Variants in FAM135B observed in about 807,000 individuals in gnomAD.
The protein encoded by FAM135B is protein FAM135B.
FAM135B carries 43 observed loss-of-function variants against 127.7 expected under a neutral mutation model. That is an observed-to-expected ratio of 0.34 (90% CI 0.26 to 0.43). The LOEUF (loss-of-function observed/expected upper bound fraction) is 0.43, where lower values mean the gene tolerates loss of function less well. Among genes scored for constraint, FAM135B ranks in the 20% least tolerant of loss-of-function variants. The pLI, the probability that FAM135B is intolerant of heterozygous loss-of-function variation, is 1.00. For synonymous variants in FAM135B, 670 were observed against 665.1 expected (o/e 1.01, Z -0.11); for missense variants, 1,558 against 1,725.6 (o/e 0.90, Z 1.72).
chr8:138,278,551 T>C (rs1824008386), intron 3 of FAM135B, among the ~76,000 whole-genome samples: 2 of 123,842 alleles, frequency 1.6e-5, no homozygotes, highest in Non-Finnish European at 3.2e-5. Flanking sequence ...TATAAGAACA[T>C]GATTTTTTTT....
intron 2 of FAM135B, among the ~76,000 whole-genome samples, chr8:138,342,374 G>A (rs1385605706): frequency 6.6e-6 from 1 of 152,198 alleles, no homozygotes; most frequent in East Asian, 1.9e-4. Flanking sequence ...CAGCAGTCAG[G>A]AAGTTTCATT....
At chr8:138,256,438 A>G (rs572883744) in intron 5 of FAM135B, among the ~76,000 whole-genome samples, 1 of 152,214 alleles carries the variant, frequency 6.6e-6, no homozygotes, top group African/African-American at 2.4e-5. Flanking sequence ...AGAAAGTGCC[A>G]GTTAGTAAAG....
At position 138,132,260 on chromosome 8, in the gene FAM135B, T is replaced by G; in HGVS notation, c.*333A>C. 3.7e-6 allele frequency: 1 copy of G among 270,750 alleles called. No homozygotes were observed. 16.8% of individuals were successfully genotyped at this position (270,750 alleles called of 1,614,324 possible). A position where few individuals can be genotyped will look rare whatever the true frequency, so the allele number is the denominator to read the frequency against. On this transcript the variant is annotated 3_prime_UTR_variant, in exon 20 of 20. Coordinates refer to ENST00000395297, the MANE Select transcript of FAM135B (RefSeq NM_015912.4). The surrounding 1 kb of genome is among the most constrained non-coding windows in gnomAD (Gnocchi z 4.5). The stretch of plus-strand genomic sequence containing the variant: ...TTCGGCAAGTCTAGTTAAATTGGAG[T>G]AATCTCTCAGTAAGCCAGTAGTGGC...
intron 1 of FAM135B, among the ~76,000 whole-genome samples, chr8:138,461,077 C>A (rs1332743472): frequency 1.3e-5 from 2 of 152,080 alleles, no homozygotes; most frequent in Non-Finnish European, 2.9e-5. Flanking sequence ...GGGAGTTAAT[C>A]CTTTGTTATA....
At position 138,134,376 on chromosome 8, in the gene FAM135B, A is replaced by G. The variant is rs1418920168; in HGVS notation, c.4016-1578T>C. On this transcript the variant is annotated intron_variant, in intron 19 of 19. Coordinates refer to ENST00000395297, the MANE Select transcript of FAM135B (RefSeq NM_015912.4). ...AAATTGTATATGCAATAAAGGTCAGAAGGTCATTTATTTAAAGAAAAAAGT... is the reference window on the plus strand; with the variant it reads ...AAATTGTATATGCAATAAAGGTCAGGAGGTCATTTATTTAAAGAAAAAAGT... 2.0e-5 allele frequency among the ~76,000 whole-genome samples: 3 copies of G among 152,208 alleles called. No homozygotes were observed. The East Asian group carries it at 5.8e-4, about 29-fold the overall frequency.
chr8:138,238,328 G>A (rs1007078577), intron 7 of FAM135B, among the ~76,000 whole-genome samples: 1 of 152,158 alleles, frequency 6.6e-6, no homozygotes, highest in African/African-American at 2.4e-5. Context: ...AACCCTGTGA[G>A]CCAGGCATTA....
intron 7 of FAM135B, among the ~76,000 whole-genome samples, chr8:138,210,987 TG>T (rs1281311750): frequency 6.6e-6 from 1 of 152,186 alleles, no homozygotes; most frequent in Non-Finnish European, 1.5e-5. Flanking sequence ...ACCATCAGTA[TG>T]GGGCATGGCT....
At chr8:138,318,285 T>C (rs4909416) in intron 2 of FAM135B, among the ~76,000 whole-genome samples, 134,022 of 152,226 alleles carry the variant, frequency 0.88, 60,000 homozygotes, top group Non-Finnish European at 0.97. Flanking sequence ...GAAAGGGACA[T>C]GAATCCCATC....
rs115562066 is a variant in FAM135B at position 138,132,534 on chromosome 8, C to G, written c.*59G>C. 8.8e-4 allele frequency: 1,261 copies of G among 1,427,728 alleles called. 5 individuals carry two copies. In the African/African-American group the frequency reaches 0.016, roughly 18 times the overall value. 88.4% of individuals were successfully genotyped at this position (1,427,728 alleles called of 1,614,324 possible). A position where few individuals can be genotyped will look rare whatever the true frequency, so the allele number is the denominator to read the frequency against. Reference sequence around the variant, plus strand: ...AATGGTGAGGTCTGTAAAAGCAGGTCTCAGCTAAAGCTCTCCACCGATCGT... The same window carrying G: ...AATGGTGAGGTCTGTAAAAGCAGGTGTCAGCTAAAGCTCTCCACCGATCGT... On this transcript the variant is annotated 3_prime_UTR_variant, in exon 20 of 20. Transcript: ENST00000395297. This position sits in a 1 kb window ranked among gnomAD's most constrained non-coding sequence, Gnocchi z 4.5.
intron 3 of FAM135B, among the ~76,000 whole-genome samples, chr8:138,301,876 G>A (rs558876306): frequency 6.6e-6 from 1 of 152,294 alleles, no homozygotes; most frequent in Non-Finnish European, 1.5e-5. Context: ...TACAAGAACA[G>A]TTCCGTGCTG....
chr8:138,335,375 ATACG>A (rs2131019044), intron 2 of FAM135B, among the ~76,000 whole-genome samples: 1 of 152,322 alleles, frequency 6.6e-6, no homozygotes, highest in East Asian at 1.9e-4. Context: ...GCAATATGGC[ATACG>A]TAATTTTAAA....
In FAM135B at chr8:138,206,106, T is replaced by G. The variant is rs78108565; in HGVS notation, c.670-8437A>C. On this transcript the variant is annotated intron_variant, in intron 7 of 19. Transcript: ENST00000395297. ...TCTCCACATACCCAGGGCTCCAGCA[T>G]CACCTCCACCTACACACAGGCCAGC... 1.1e-3 allele frequency among the ~76,000 whole-genome samples: 92 copies of G among 86,738 alleles called. No individual in the cohort carries two copies. In the East Asian group the frequency reaches 0.032, roughly 30 times the overall value. The allele number at this position is 86,738 out of a possible 152,430, so 56.9% of individuals were successfully genotyped here. A position where few individuals can be genotyped will look rare whatever the true frequency, so the allele number is the denominator to read the frequency against.
At chr8:138,441,750 G>A (rs1353509747) in intron 1 of FAM135B, 1 of 150,952 alleles carries the variant, frequency 6.6e-6, no homozygotes, top group Non-Finnish European at 1.5e-5. Context: ...AGATTAGCTT[G>A]AGACCTTGAT....
intron 1 of FAM135B, among the ~76,000 whole-genome samples, chr8:138,422,249 A>G (rs78332870): frequency 0.018 from 2,786 of 152,276 alleles, 78 homozygotes; most frequent in African/African-American, 0.062. Context: ...AGCAATTATA[A>G]CAAAAACTAA....
chr8:138,275,754 C>T (rs375187115), intron 3 of FAM135B, among the ~76,000 whole-genome samples: 29 of 152,174 alleles, frequency 1.9e-4, no homozygotes, highest in South Asian at 6.2e-4. Context: ...CCCCTCCTGG[C>T]GCTTAGAATG....
At chr8:138,255,792 A>T (rs1202885426) in intron 5 of FAM135B, among the ~76,000 whole-genome samples, 2 of 152,184 alleles carry the variant, frequency 1.3e-5, no homozygotes, top group Non-Finnish European at 2.9e-5. Flanking sequence ...TCACAAGAAC[A>T]TCCTAAGGGC....
intron 9 of FAM135B, among the ~76,000 whole-genome samples, chr8:138,190,133 T>C (rs555433816): frequency 2.6e-5 from 4 of 152,288 alleles, no homozygotes; most frequent in African/African-American, 9.6e-5. Context: ...TGCCTTTCTT[T>C]ACCTATGACT....
intron 2 of FAM135B, among the ~76,000 whole-genome samples, chr8:138,315,526 T>C (rs1324428021): frequency 1.3e-5 from 2 of 152,144 alleles, no homozygotes; most frequent in African/African-American, 4.8e-5. Flanking sequence ...CACCTCCACC[T>C]TCATTGCGGC....
At chr8:138,463,625 AG>A (rs1837244956) in intron 1 of FAM135B, among the ~76,000 whole-genome samples, 1 of 152,184 alleles carries the variant, frequency 6.6e-6, no homozygotes, top group African/African-American at 2.4e-5. Flanking sequence ...CAAATACCAA[AG>A]GTCCTGTAAC....
Sources: gnomAD v4.1 joint callset for allele counts (sites outside exome capture counted in the v4.1 genomes callset) on GRCh38, gnomAD v4.1.1 for gene constraint, Gnocchi (gnomAD v3.1) non-coding constraint, MANE v1.5 for transcripts, NCBI Gene and HGNC (gene_info 2026-07-23, HGNC 2026-07-21) for gene names.